RAB27B: variants seen among roughly 807,000 people sequenced by gnomAD.
RAB27B encodes RAB27B, member RAS oncogene family, also known as ras-related protein Rab-27B.
Under a neutral mutation model 24.6 loss-of-function variants are expected in RAB27B, and 15 were observed. The ratio of observed to expected loss-of-function variants is 0.61; its 90% confidence interval spans 0.41 to 0.94. The LOEUF (loss-of-function observed/expected upper bound fraction) is 0.94. RAB27B is among the 40% of genes least tolerant of loss of function. The probability of loss-of-function intolerance (pLI) is 0.00; values close to 1 mark genes in which losing one functional copy is unlikely to be tolerated. For synonymous variants in RAB27B, 105 were observed against 92.5 expected (o/e 1.14, Z -0.78); for missense variants, 261 against 266.8 (o/e 0.98, Z 0.15).
intron 2 of RAB27B, among the ~76,000 whole-genome samples, chr18:54,795,849 T>G (rs1909399586): frequency 1.3e-5 from 2 of 152,182 alleles, no homozygotes; most frequent in Non-Finnish European, 2.9e-5. Flanking sequence ...TGAAGGTAGT[T>G]ATGCATAAAA....
intron 1 of RAB27B, among the ~76,000 whole-genome samples, chr18:54,865,860 A>G (rs544830171): frequency 1.3e-5 from 2 of 152,318 alleles, no homozygotes; most frequent in East Asian, 3.9e-4. Flanking sequence ...CAGGATATAT[A>G]AGCAGGATGC....
chr18:54,876,398 AC>A (rs1476782839), intron 1 of RAB27B, among the ~76,000 whole-genome samples: 9 of 152,202 alleles, frequency 5.9e-5, no homozygotes, highest in Admixed American at 5.2e-4. Flanking sequence ...CTTCAAGAAT[AC>A]AGTGTTTTCT....
At chr18:54,832,092 A>G (rs1198905634) in intron 1 of RAB27B, among the ~76,000 whole-genome samples, 1 of 152,214 alleles carries the variant, frequency 6.6e-6, no homozygotes, top group Non-Finnish European at 1.5e-5. Flanking sequence ...TTTTTAAAAG[A>G]TCACTCTGGC....
intron 2 of RAB27B, among the ~76,000 whole-genome samples, chr18:54,756,339 T>A (rs933434812): frequency 3.3e-5 from 5 of 152,178 alleles, no homozygotes; most frequent in African/African-American, 1.2e-4. Context: ...CTGGAAGCAT[T>A]TCCTTTCTAT....
chr18:54,885,520 T>C (rs1913098464), intron 4 of RAB27B, among the ~76,000 whole-genome samples: 1 of 152,136 alleles, frequency 6.6e-6, no homozygotes, highest in South Asian at 2.1e-4. Flanking sequence ...TTATCTTTTT[T>C]CTCTTCTCTC....
At chr18:54,728,208 G>C (rs1387998767) in intron 2 of RAB27B, among the ~76,000 whole-genome samples, 2 of 152,214 alleles carry the variant, frequency 1.3e-5, no homozygotes, top group African/African-American at 4.8e-5. Context: ...CCAGAAGATG[G>C]GAGTGGGGTA....
chr18:54,747,127 C>G (rs1910275910), intron 2 of RAB27B, among the ~76,000 whole-genome samples: 1 of 152,138 alleles, frequency 6.6e-6, no homozygotes, highest in South Asian at 2.1e-4. Flanking sequence ...TTGTTACACC[C>G]CAGCCTACTC....
At chr18:54,802,040 G>A in intron 2 of RAB27B, among the ~76,000 whole-genome samples, 1 of 152,180 alleles carries the variant, frequency 6.6e-6, no homozygotes, top group East Asian at 1.9e-4. Context: ...ATCTTGTTGA[G>A]TAAGATACTT....
chr18:54,841,732 A>T (rs2311122), intron 1 of RAB27B, among the ~76,000 whole-genome samples: 1 of 152,170 alleles, frequency 6.6e-6, no homozygotes, highest in Non-Finnish European at 1.5e-5. Flanking sequence ...AAATGGCCAA[A>T]GTCAAAGATA....
chr18:54,771,659 T>G (rs1241030873), intron 2 of RAB27B, among the ~76,000 whole-genome samples: 1 of 150,914 alleles, frequency 6.6e-6, no homozygotes, highest in Non-Finnish European at 1.5e-5. Flanking sequence ...AAAGACTTTG[T>G]AAAGTAAGAA....
intron 2 of RAB27B, among the ~76,000 whole-genome samples, chr18:54,767,667 TATTTC>T (rs1908407912): frequency 6.6e-6 from 1 of 152,202 alleles, no homozygotes; most frequent in Non-Finnish European, 1.5e-5. Flanking sequence ...AATATACACT[TATTTC>T]ATTCCATGTG....
At chr18:54,825,830 A>G (rs772293509), upstream of RAB27B, among the ~76,000 whole-genome samples, 51 of 152,328 alleles carry the variant, frequency 3.3e-4, no homozygotes, top group Non-Finnish European at 6.2e-4. Context: ...CAGACGTATA[A>G]CCAAACCCCT....
chr18:54,859,853 T>C (rs1208143398), intron 1 of RAB27B, among the ~76,000 whole-genome samples: 1 of 152,218 alleles, frequency 6.6e-6, no homozygotes, highest in Non-Finnish European at 1.5e-5. Context: ...TGTTGACATA[T>C]TGTATTTTTA....
intron 2 of RAB27B, among the ~76,000 whole-genome samples, chr18:54,729,800 TA>T (rs1387055136): frequency 6.6e-6 from 1 of 152,054 alleles, no homozygotes; most frequent in African/African-American, 2.4e-5. Context: ...ACTTTAGATT[TA>T]AAAAAATAAT....
rs148414626 is a variant in RAB27B at position 54,879,698 on chromosome 18, A to C, written c.239+244A>C. On this transcript the variant is annotated intron_variant, in intron 3 of 5. Coordinates refer to ENST00000262094, the MANE Select transcript of RAB27B (RefSeq NM_004163.4). ...ATCTCTCTGAAGATTCTTGCTATGCACTGTCTTTGCACTTCTTAGAAGGAA... is the reference window on the plus strand; with the variant it reads ...ATCTCTCTGAAGATTCTTGCTATGCCCTGTCTTTGCACTTCTTAGAAGGAA... 1.6e-5 allele frequency: 7 copies of C among 447,736 alleles called. No individual in the cohort carries two copies. The Admixed American group carries it at 2.1e-4, about 13-fold the overall frequency. 27.7% of individuals were successfully genotyped at this position (447,736 alleles called of 1,614,324 possible).
In RAB27B at chr18:54,789,365, A is replaced by G. The variant is rs998010185; in HGVS notation, c.-20+71224A>G. ...AGTGATTAATATTTTCTAAATTGCT[A>G]TGTGGAATACCATTTAAATAACAAT... On this transcript the variant is annotated intron_variant, in intron 2 of 4. Transcript: ENST00000586570. Among the ~76,000 whole-genome samples, 174 of 152,320 alleles carry G rather than the reference A, an allele frequency of 1.1e-3. 1 individual carries two copies. Among genetic ancestry groups the G allele is most frequent in the African/African-American group, 4.1e-3 (169 of 41,576 alleles).
At chr18:54,765,079 C>CAA (rs559457663) in intron 2 of RAB27B, among the ~76,000 whole-genome samples, 1,558 of 149,190 alleles carry the variant, frequency 0.01, 24 homozygotes, top group African/African-American at 0.037. Flanking sequence ...AAAAACAAAA[C>CAA]AAAAAAAAAC....
intron 1 of RAB27B, among the ~76,000 whole-genome samples, chr18:54,863,761 T>C (rs1005072499): frequency 2.0e-5 from 3 of 152,228 alleles, no homozygotes; most frequent in Admixed American, 2.0e-4. Context: ...AGTAGAATCA[T>C]AAAAAATTTG....
At chr18:54,735,123 G>A (rs1042256137) in intron 2 of RAB27B, among the ~76,000 whole-genome samples, 1 of 151,990 alleles carries the variant, frequency 6.6e-6, no homozygotes, top group Non-Finnish European at 1.5e-5. Flanking sequence ...GTTCTGCCAG[G>A]CAAAAATTAT....
Sources: gnomAD v4.1 joint callset for allele counts (sites outside exome capture counted in the v4.1 genomes callset) on GRCh38, gnomAD v4.1.1 for gene constraint, MANE v1.5 for transcripts, NCBI Gene and HGNC (gene_info 2026-07-23, HGNC 2026-07-21) for gene names.